The following RNF150 variants were observed in gnomAD, a reference collection of about 807,000 sequenced individuals.
RNF150 encodes ring finger protein 150.
In RNF150, 24 loss-of-function variants were observed where a neutral mutation model predicts 39.3. The ratio of observed to expected loss-of-function variants is 0.61; its 90% CI spans 0.44 to 0.86. The LOEUF is 0.86. RNF150 is among the 40% of genes least tolerant of loss of function. RNF150 has a pLI of 0.00. For missense variants in RNF150, 502 were observed against 587.8 expected (o/e 0.85, Z 1.51); for synonymous variants, 255 against 227.3 (o/e 1.12, Z -1.10).
intron 6 of RNF150, among the ~76,000 whole-genome samples, chr4:140,869,598 C>T (rs192794265): frequency 8.1e-4 from 123 of 152,286 alleles, no homozygotes; most frequent in African/African-American, 2.7e-3. Context: ...GCAATTACAA[C>T]ACAGTGAGAT....
chr4:141,030,023 C>T (rs553880909), intron 1 of RNF150, among the ~76,000 whole-genome samples: 4 of 152,100 alleles, frequency 2.6e-5, no homozygotes, highest in East Asian at 3.9e-4. Context: ...AGCAAAACCC[C>T]GTGCCTACTA....
chr4:140,915,378 A>G (rs187638813), intron 5 of RNF150, among the ~76,000 whole-genome samples: 180 of 152,332 alleles, frequency 1.2e-3, no homozygotes, highest in Non-Finnish European at 2.0e-3. Flanking sequence ...TTAAGAATGG[A>G]GAAGTCATCT....
chr4:141,174,127 A>G (rs569067633), intron 1 of RNF150, among the ~76,000 whole-genome samples: 2 of 152,320 alleles, frequency 1.3e-5, no homozygotes, highest in Admixed American at 1.3e-4. Flanking sequence ...TGCTACCCAA[A>G]ATAAAGTTAC....
intron 6 of RNF150, among the ~76,000 whole-genome samples, chr4:140,906,891 C>T (rs1175958069): frequency 6.6e-6 from 1 of 152,092 alleles, no homozygotes; most frequent in African/African-American, 2.4e-5. Flanking sequence ...TGTGTAGTGA[C>T]TCAGTAAGGG....
intron 1 of RNF150, among the ~76,000 whole-genome samples, chr4:141,141,399 A>G (rs904582768): frequency 6.6e-6 from 1 of 152,226 alleles, no homozygotes; most frequent in Admixed American, 6.5e-5. Context: ...GGAGTCTACA[A>G]ACGAATCTGG....
Position 141,132,644 on chromosome 4 carries a change from GGGGTCC to G in RNF150, c.159_164del (p.Asp54_Pro55del), listed in dbSNP as rs1726930181. 6.3e-7 allele frequency: 1 copy of G among 1,598,720 alleles called. No individual in the cohort carries two copies. Among genetic ancestry groups the G allele is most frequent in the Non-Finnish European group, 8.5e-7 (1 of 1,174,344 alleles). On this transcript the variant is annotated inframe_deletion, in exon 1 of 7. Coordinates refer to ENST00000515673, the MANE Select transcript of RNF150 (RefSeq NM_020724.2). This position sits in a 1 kb window ranked among gnomAD's most constrained non-coding sequence, Gnocchi z 4.9. ...CGCCGCCGCCCGCCGCCCCGGCCCC[GGGGTCC>G]GGCGCGGGCTCGGCGTAGGTGATGT... is the stretch of plus-strand genomic sequence containing the variant.
At chr4:140,987,314 T>C (rs529574872) in intron 1 of RNF150, among the ~76,000 whole-genome samples, 4 of 151,940 alleles carry the variant, frequency 2.6e-5, no homozygotes. Context: ...GTCAAAGCAA[T>C]CCTAAGCAAA....
chr4:141,095,507 C>T (rs1738739857), intron 1 of RNF150, among the ~76,000 whole-genome samples: 1 of 152,096 alleles, frequency 6.6e-6, no homozygotes, highest in Non-Finnish European at 1.5e-5. Flanking sequence ...CAATGAATAT[C>T]CTACATGCGT....
At chr4:140,886,488 G>A (rs947890567) in intron 6 of RNF150, among the ~76,000 whole-genome samples, 13 of 152,146 alleles carry the variant, frequency 8.5e-5, no homozygotes, top group African/African-American at 2.9e-4. Flanking sequence ...TTACTGAGTT[G>A]TATGTTCTGA....
intron 1 of RNF150, among the ~76,000 whole-genome samples, chr4:141,015,436 A>T (rs1735234165): frequency 6.6e-6 from 1 of 152,154 alleles, no homozygotes; most frequent in Admixed American, 6.5e-5. Context: ...TTATTTCATC[A>T]GTGTTTTATA....
intron 1 of RNF150, among the ~76,000 whole-genome samples, chr4:140,968,937 A>G (rs1011779096): frequency 2.6e-5 from 4 of 152,038 alleles, no homozygotes; most frequent in Non-Finnish European, 5.9e-5. Flanking sequence ...CAAGATGATT[A>G]GGGCACAGAG....
At chr4:141,116,546 T>C (rs1027218249) in intron 1 of RNF150, among the ~76,000 whole-genome samples, 1 of 151,934 alleles carries the variant, frequency 6.6e-6, no homozygotes, top group African/African-American at 2.4e-5. Context: ...TTGGTGGGAG[T>C]GTAAATTAGT....
chr4:140,888,518 A>G (rs1729654347), intron 6 of RNF150, among the ~76,000 whole-genome samples: 1 of 152,264 alleles, frequency 6.6e-6, no homozygotes, highest in Admixed American at 6.5e-5. Context: ...AGAATTTGTA[A>G]TAAATATTTG....
intron 1 of RNF150, among the ~76,000 whole-genome samples, chr4:141,018,536 A>G (rs765193398): frequency 1.6e-4 from 24 of 152,272 alleles, no homozygotes; most frequent in Non-Finnish European, 3.1e-4. Flanking sequence ...AAATTTGTTT[A>G]TATCATAAAC....
chr4:141,002,275 G>A (rs1734693656), intron 1 of RNF150, among the ~76,000 whole-genome samples: 1 of 151,650 alleles, frequency 6.6e-6, no homozygotes, highest in African/African-American at 2.4e-5. Context: ...AAAGTAGTAT[G>A]TTACACAGTC....
chr4:140,934,225 G>C (rs1463259858), intron 4 of RNF150, among the ~76,000 whole-genome samples: 1 of 152,138 alleles, frequency 6.6e-6, no homozygotes, highest in African/African-American at 2.4e-5. Flanking sequence ...GGCCAGGCTG[G>C]TCTGGAACTC....
chr4:140,965,390 G>C (rs1037579870), intron 2 of RNF150, among the ~76,000 whole-genome samples: 12 of 152,076 alleles, frequency 7.9e-5, no homozygotes, highest in African/African-American at 2.9e-4. Context: ...CCTCTTCTGG[G>C]TATATATCCA....
At chr4:141,149,316 A>T (rs1269578863) in intron 1 of RNF150, among the ~76,000 whole-genome samples, 1 of 151,790 alleles carries the variant, frequency 6.6e-6, no homozygotes, top group Non-Finnish European at 1.5e-5. Context: ...GTAATTTCTG[A>T]GATTTTGGTG....
Position 141,132,092 on chromosome 4 carries a change from G to A in RNF150, c.484+233C>T, listed in dbSNP as rs1726906153. On this transcript the variant is annotated intron_variant, in intron 1 of 6. Transcript: ENST00000515673. The surrounding 1 kb of genome is among the most constrained non-coding windows in gnomAD (Gnocchi z 4.9). The stretch of plus-strand genomic sequence containing the variant: ...CCCGCCACGTTGAACCCCTGTCCAA[G>A]CGGCGCTATGCCAAGCTCTCCGGCA... 2.0e-5 allele frequency among the ~76,000 whole-genome samples: 3 copies of A among 152,134 alleles called. No individual in the cohort carries two copies. The highest frequency in any genetic ancestry group is 4.4e-5 in the Non-Finnish European group (3 of 68,034).
Sources: allele counts gnomAD v4.1 joint callset (sites outside exome capture counted in the v4.1 genomes callset), GRCh38; gene constraint gnomAD v4.1.1; non-coding constraint Gnocchi (gnomAD v3.1); transcripts MANE v1.5; gene names NCBI Gene and HGNC (gene_info 2026-07-23, HGNC 2026-07-21).